Variants in SHISA9 observed in about 807,000 individuals in gnomAD.
SHISA9 encodes the protein protein shisa-9.
A neutral mutation model predicts 38.0 loss-of-function variants in SHISA9; 13 were observed. That is an observed-to-expected ratio of 0.34 (90% CI 0.22 to 0.54). The LOEUF is 0.54. Ranked by LOEUF, SHISA9 falls within the 20% of genes least tolerant of loss-of-function variation. SHISA9 has a pLI of 0.91. For synonymous variants in SHISA9, 275 were observed against 242.0 expected (o/e 1.14, Z -1.27); for missense variants, 538 against 575.8 (o/e 0.93, Z 0.67).
At chr16:13,298,981 C>T in the SHISA9 span, among the ~76,000 whole-genome samples, 1 of 152,156 alleles carries the variant, frequency 6.6e-6, no homozygotes, top group African/African-American at 2.4e-5. Context: ...CCCAGACACA[C>T]TTGGTTAAAC....
At chr16:13,070,497 A>C (rs1460643261) in intron 2 of SHISA9, among the ~76,000 whole-genome samples, 1 of 152,210 alleles carries the variant, frequency 6.6e-6, no homozygotes, top group African/African-American at 2.4e-5. Flanking sequence ...TCCGGGATAC[A>C]AAGAAACCTG....
chr16:13,382,070 G>A, the SHISA9 span, among the ~76,000 whole-genome samples: 68 of 152,242 alleles, frequency 4.5e-4, no homozygotes, highest in South Asian at 0.013. Flanking sequence ...ATCAGGGACG[G>A]TATGGGTAAA....
At chr16:13,051,075 A>G (rs1254822509) in intron 2 of SHISA9, among the ~76,000 whole-genome samples, 1 of 152,180 alleles carries the variant, frequency 6.6e-6, no homozygotes, top group Admixed American at 6.5e-5. Flanking sequence ...GCTTTTGCAT[A>G]ATGCATCCTA....
At chr16:13,040,289 A>AT (rs2073118836) in intron 2 of SHISA9, among the ~76,000 whole-genome samples, 1 of 152,032 alleles carries the variant, frequency 6.6e-6, no homozygotes, top group Non-Finnish European at 1.5e-5. Context: ...TTCCAGTCAC[A>AT]TTGGTTGGCT....
the SHISA9 span, among the ~76,000 whole-genome samples, chr16:13,562,325 G>C: frequency 6.6e-6 from 1 of 152,012 alleles, no homozygotes; most frequent in Non-Finnish European, 1.5e-5. Flanking sequence ...GTGTAAGTAT[G>C]GACTAAAAAA....
At chr16:13,266,052 T>C in the SHISA9 span, among the ~76,000 whole-genome samples, 7 of 138,884 alleles carry the variant, frequency 5.0e-5, no homozygotes, top group Non-Finnish European at 1.1e-4. Context: ...ATCTTGTTTT[T>C]GCATTTTCAT....
At chr16:13,155,915 G>T (rs2050542570) in intron 2 of SHISA9, among the ~76,000 whole-genome samples, 2 of 152,060 alleles carry the variant, frequency 1.3e-5, no homozygotes, top group South Asian at 4.2e-4. Context: ...TGCCGAGGGA[G>T]CAATCTTGTT....
At chr16:13,530,256 G>A in the SHISA9 span, among the ~76,000 whole-genome samples, 107 of 152,288 alleles carry the variant, frequency 7.0e-4, 1 homozygote, top group South Asian at 0.01. Context: ...AGCTGAGATC[G>A]TGGCACTGCA....
At chr16:13,225,750 C>A (rs1242975320) in intron 4 of SHISA9, among the ~76,000 whole-genome samples, 1 of 152,160 alleles carries the variant, frequency 6.6e-6, no homozygotes, top group Admixed American at 6.5e-5. Context: ...CCTTGACGTT[C>A]TCCCTTTCCA....
chr16:13,030,237 C>T (rs1365451545), intron 2 of SHISA9, among the ~76,000 whole-genome samples: 1 of 152,154 alleles, frequency 6.6e-6, no homozygotes, highest in Non-Finnish European at 1.5e-5. Flanking sequence ...CAAGAACCCC[C>T]CACTCAGACT....
intron 2 of SHISA9, among the ~76,000 whole-genome samples, chr16:13,009,031 A>G (rs2072637541): frequency 6.6e-6 from 1 of 152,156 alleles, no homozygotes; most frequent in Non-Finnish European, 1.5e-5. Context: ...GGAGAGTGAC[A>G]AAAGTTAGCA....
the SHISA9 span, among the ~76,000 whole-genome samples, chr16:13,309,950 C>T: frequency 6.6e-6 from 1 of 152,084 alleles, no homozygotes; most frequent in African/African-American, 2.4e-5. Context: ...TGCAATGGCA[C>T]GATCTCGGCT....
chr16:13,016,829 G>A (rs2072763336), intron 2 of SHISA9, among the ~76,000 whole-genome samples: 1 of 152,094 alleles, frequency 6.6e-6, no homozygotes. Context: ...GTACTTTTTA[G>A]TCACACTTTG....
At position 13,239,245 on chromosome 16, in the gene SHISA9, T is replaced by A. The variant is rs1391007076; in HGVS notation, c.*3836T>A. The A allele has an allele frequency of 1.3e-5, 2 of 151,878 alleles. No individual in the cohort carries two copies. The highest frequency in any genetic ancestry group is 6.6e-5 in the Admixed American group (1 of 15,240). The allele number at this position is 151,878 out of a possible 1,614,324, so 9.4% of individuals were successfully genotyped here. A position where few individuals can be genotyped will look rare whatever the true frequency, so the allele number is the denominator to read the frequency against. On this transcript the variant is annotated 3_prime_UTR_variant, in exon 5 of 5. Transcript: ENST00000558583. ...TTAATCCAGTCTATCCTTGTTGGAC[T>A]TTTGGGTTGGTTCCAAGTCTTTGCT...
At chr16:13,100,931 G>A (rs914527970) in intron 2 of SHISA9, among the ~76,000 whole-genome samples, 5 of 152,148 alleles carry the variant, frequency 3.3e-5, no homozygotes, top group African/African-American at 1.2e-4. Flanking sequence ...CCTGACCTCA[G>A]GTGATCTGCC....
chr16:13,295,916 C>G, the SHISA9 span, among the ~76,000 whole-genome samples: 1 of 152,110 alleles, frequency 6.6e-6, no homozygotes, highest in Admixed American at 6.5e-5. Flanking sequence ...TTGAATTGCC[C>G]AAAGTCATAA....
At chr16:12,904,683 G>A (rs1297428584) in intron 1 of SHISA9, among the ~76,000 whole-genome samples, 1 of 152,172 alleles carries the variant, frequency 6.6e-6, no homozygotes, top group Admixed American at 6.5e-5. Flanking sequence ...ATTCCAGAAT[G>A]GAGTGGAAGT....
intron 2 of SHISA9, among the ~76,000 whole-genome samples, chr16:13,091,383 C>G (rs539637934): frequency 2.2e-4 from 34 of 152,192 alleles, no homozygotes; most frequent in South Asian, 6.2e-4. Flanking sequence ...GGATAATATC[C>G]TGAAGAGTGT....
At chr16:13,386,326 G>A in the SHISA9 span, among the ~76,000 whole-genome samples, 1 of 152,180 alleles carries the variant, frequency 6.6e-6, no homozygotes, top group South Asian at 2.1e-4. Context: ...TCCATCTGTA[G>A]TCATAGGATC....
Sources: allele counts gnomAD v4.1 joint callset (sites outside exome capture counted in the v4.1 genomes callset), GRCh38; gene constraint gnomAD v4.1.1; transcripts MANE v1.5; gene names NCBI Gene and HGNC (gene_info 2026-07-23, HGNC 2026-07-21).